Variants in SAMD8 observed in about 807,000 individuals in gnomAD.
SAMD8 encodes the protein sphingomyelin synthase-related protein 1.
In SAMD8, 20 loss-of-function variants were observed where a neutral mutation model predicts 42.0. The observed-to-expected ratio is 0.48, with a 90% CI of 0.34 to 0.69. SAMD8 has a LOEUF of 0.69. Among genes scored for constraint, SAMD8 ranks in the 30% least tolerant of loss-of-function variants. SAMD8 has a pLI of 0.01. For synonymous variants in SAMD8, 162 were observed against 173.0 expected (o/e 0.94, Z 0.50); for missense variants, 328 against 511.6 (o/e 0.64, Z 3.46).
intron 1 of SAMD8, among the ~76,000 whole-genome samples, chr10:75,147,074 C>G (rs1165782529): frequency 6.6e-6 from 1 of 152,124 alleles, no homozygotes; most frequent in Non-Finnish European, 1.5e-5. Context: ...TTTCTAGCAG[C>G]TAAAACGTCA....
At chr10:75,157,021 A>G (rs1169031613) in intron 2 of SAMD8, among the ~76,000 whole-genome samples, 1 of 152,054 alleles carries the variant, frequency 6.6e-6, no homozygotes, top group Non-Finnish European at 1.5e-5. Context: ...AATGTCTGCA[A>G]CTTACTTCGG....
Position 75,134,632 on chromosome 10 carries a change from C to T in SAMD8, c.-15-15882C>T, listed in dbSNP as rs541375471. Among the ~76,000 whole-genome samples, 20 of 151,844 alleles carry T rather than the reference C, an allele frequency of 1.3e-4. No individual in the cohort carries two copies. The East Asian group carries it at 2.1e-3, about 16-fold the overall frequency. ...CTTGGGTGGCAGAGTGAGACTTTCC[C>T]CCCCCCAAAAAAAAGATTACAGTTA... is the stretch of plus-strand genomic sequence containing the variant. On this transcript the variant is annotated intron_variant, in intron 1 of 5. Transcript: ENST00000542569.
intron 2 of SAMD8, among the ~76,000 whole-genome samples, chr10:75,152,516 C>T (rs1281140223): frequency 4.7e-5 from 6 of 128,680 alleles, no homozygotes; most frequent in South Asian, 2.5e-4. Flanking sequence ...AGCGAGACTC[C>T]GTCTCAAAAA....
At chr10:75,117,697 A>G (rs1848918794) in intron 1 of SAMD8, among the ~76,000 whole-genome samples, 1 of 152,236 alleles carries the variant, frequency 6.6e-6, no homozygotes, top group African/African-American at 2.4e-5. Flanking sequence ...AGCCTGGGCT[A>G]CAAGAGTGAA....
At chr10:75,169,124 C>T (rs71473767) in intron 4 of SAMD8, among the ~76,000 whole-genome samples, 17 of 127,124 alleles carry the variant, frequency 1.3e-4, no homozygotes, top group African/African-American at 3.9e-4. Context: ...GAGCTGAGAT[C>T]GTGCCACTGC....
chr10:75,120,712 A>G (rs1478659253), intron 1 of SAMD8, among the ~76,000 whole-genome samples: 1 of 147,368 alleles, frequency 6.8e-6, no homozygotes, highest in Non-Finnish European at 1.5e-5. Context: ...CCTCTATTTT[A>G]TATTATTGTT....
At chr10:75,126,764 G>A (rs1849149798) in intron 1 of SAMD8, among the ~76,000 whole-genome samples, 1 of 151,314 alleles carries the variant, frequency 6.6e-6, no homozygotes, top group Non-Finnish European at 1.5e-5. Context: ...GCTTCCCAAA[G>A]TGCTGAGATT....
At chr10:75,101,766 A>AACC in intron 1 of SAMD8, 2 of 748,174 alleles carry the variant, frequency 2.7e-6, no homozygotes, top group Non-Finnish European at 2.1e-6. Context: ...CCCAACCCAA[A>AACC]CCCCACCCCT....
At chr10:75,104,465 T>C (rs553562542) in intron 1 of SAMD8, among the ~76,000 whole-genome samples, 1 of 152,140 alleles carries the variant, frequency 6.6e-6, no homozygotes, top group African/African-American at 2.4e-5. Context: ...TTCCCCAAAG[T>C]CAGCTGCCTG....
chr10:75,108,880 G>A, upstream of SAMD8: 2 of 1,253,952 alleles, frequency 1.6e-6, no homozygotes, highest in Non-Finnish European at 2.1e-6. Flanking sequence ...TCCTGGAGAA[G>A]GTCCCTGGCC....
chr10:75,109,390 TCA>T (rs1848708728), upstream of SAMD8, among the ~76,000 whole-genome samples: 1 of 151,786 alleles, frequency 6.6e-6, no homozygotes, highest in Non-Finnish European at 1.5e-5. Context: ...ACCCTGAACC[TCA>T]GTTTCTTCAT....
chr10:75,133,818 A>G (rs1849325742), intron 1 of SAMD8, among the ~76,000 whole-genome samples: 1 of 152,236 alleles, frequency 6.6e-6, no homozygotes, highest in African/African-American at 2.4e-5. Context: ...GAGAAAGGAT[A>G]GGAGAGGAGG....
At chr10:75,149,708 C>T (rs752477641) in intron 1 of SAMD8, among the ~76,000 whole-genome samples, 1 of 152,070 alleles carries the variant, frequency 6.6e-6, no homozygotes, top group Non-Finnish European at 1.5e-5. Context: ...TTTCAGAAAT[C>T]GGATTTTTTT....
intron 2 of SAMD8, among the ~76,000 whole-genome samples, chr10:75,160,497 T>C (rs904527418): frequency 1.3e-5 from 2 of 152,014 alleles, no homozygotes; most frequent in Admixed American, 6.6e-5. Context: ...TGAGCCACCA[T>C]GCCCAGCCAA....
At chr10:75,108,935 T>C, upstream of SAMD8, 1 of 1,523,882 alleles carries the variant, frequency 6.6e-7, no homozygotes, top group Non-Finnish European at 8.8e-7. Flanking sequence ...TCCACCCTCC[T>C]GTGTCTGGTA....
At chr10:75,157,230 A>AGG (rs1840432167) in intron 2 of SAMD8, among the ~76,000 whole-genome samples, 2 of 151,698 alleles carry the variant, frequency 1.3e-5, no homozygotes, top group Admixed American at 6.6e-5. Flanking sequence ...AGAAATGATG[A>AGG]GGGGGAGAGA....
intron 1 of SAMD8, among the ~76,000 whole-genome samples, chr10:75,119,013 T>C (rs989182563): frequency 6.6e-6 from 1 of 152,194 alleles, no homozygotes; most frequent in Admixed American, 6.5e-5. Context: ...CTAAGAAAAA[T>C]TTATTAACTC....
At chr10:75,150,409 C>G in intron 1 of SAMD8, 105 bp from the exon 2 acceptor site, 1 of 1,462,652 alleles carries the variant, frequency 6.8e-7, no homozygotes, top group Non-Finnish European at 9.0e-7. Flanking sequence ...AGGCATGAGC[C>G]ACTGCGCCTG....
At chr10:75,129,140 T>TC (rs957115334) in intron 1 of SAMD8, among the ~76,000 whole-genome samples, 25 of 149,534 alleles carry the variant, frequency 1.7e-4, no homozygotes, top group Non-Finnish European at 2.4e-4. Flanking sequence ...TTCTTCTTAT[T>TC]TTTTTTTTTT....
Sources: gnomAD v4.1 joint callset for allele counts (sites outside exome capture counted in the v4.1 genomes callset) on GRCh38, gnomAD v4.1.1 for gene constraint, MANE v1.5 for transcripts, NCBI Gene and HGNC (gene_info 2026-07-23, HGNC 2026-07-21) for gene names.